Variants in HIBCH observed in about 807,000 individuals in gnomAD.
HIBCH encodes the protein 3-hydroxyisobutyryl-CoA hydrolase.
HIBCH carries 50 observed loss-of-function variants against 58.2 expected under a neutral mutation model. The ratio of observed to expected loss-of-function variants is 0.86; its 90% CI spans 0.68 to 1.09. The LOEUF (loss-of-function observed/expected upper bound fraction) is 1.09, where lower values mean the gene tolerates loss of function less well. Ranked by LOEUF, HIBCH falls within the 50% of genes least tolerant of loss-of-function variation. The pLI, the probability that HIBCH is intolerant of heterozygous loss-of-function variation, is 0.00. For synonymous variants in HIBCH, 151 were observed against 146.9 expected, an observed-to-expected ratio of 1.03 and a Z score of -0.20; for missense variants, 450 against 449.7, an observed-to-expected ratio of 1.00 and a Z score of -0.01.
intron 2 of HIBCH, among the ~76,000 whole-genome samples, chr2:190,297,812 T>G (rs554237007): frequency 1.7e-3 from 258 of 152,308 alleles, no homozygotes; most frequent in African/African-American, 5.9e-3. Context: ...TAGGTATACA[T>G]GTGCCATGGC....
At chr2:190,194,327 C>T (rs1441913622) in intron 1 of HIBCH, among the ~76,000 whole-genome samples, 2 of 152,086 alleles carry the variant, frequency 1.3e-5, no homozygotes, top group African/African-American at 4.8e-5. Flanking sequence ...TCCAGCTATG[C>T]TTGTGGGTTT....
At position 190,206,061 on chromosome 2, in the gene HIBCH, G is replaced by A. The variant is rs1451839922; in HGVS notation, c.1046-829C>T. ...TGCTTAAAATGCACATAATTCTTGT[G>A]AAGAATGGAAATATTTAAATGTGCA... On this transcript the variant is annotated intron_variant, in intron 13 of 13. Transcript: ENST00000359678. This position sits in a 1 kb window ranked among gnomAD's most constrained non-coding sequence, Gnocchi z 5.1. 6.6e-6 allele frequency among the ~76,000 whole-genome samples: 1 copy of A among 152,166 alleles called. No individual in the cohort carries two copies. The highest frequency in any genetic ancestry group is 6.5e-5 in the Admixed American group (1 of 15,278).
chr2:190,249,559 A>T, intron 9 of HIBCH, 81 bp downstream of exon 9: 2 of 761,484 alleles, frequency 2.6e-6, no homozygotes, highest in Non-Finnish European at 4.6e-6. Context: ...TACAAACTAT[A>T]ATATTCACCA....
intron 4 of HIBCH, 56 bp downstream of exon 4, chr2:190,294,490 C>G (rs563176519): frequency 1.8e-6 from 2 of 1,105,436 alleles, no homozygotes; most frequent in African/African-American, 1.5e-5. Context: ...TTTGACAATA[C>G]TTGATCAGTT....
intron 2 of HIBCH, among the ~76,000 whole-genome samples, chr2:190,303,225 C>A (rs1005833239): frequency 2.6e-5 from 4 of 152,126 alleles, no homozygotes; most frequent in Non-Finnish European, 4.4e-5. Flanking sequence ...CATTCTATTA[C>A]AGATACATAC....
rs914434466 is a variant in HIBCH at position 190,243,341 on chromosome 2, T to C, written c.891+1546A>G. Among the ~76,000 whole-genome samples the C allele has an allele frequency of 6.0e-4, 92 of 152,158 alleles. No individual in the cohort carries two copies. The highest frequency in any genetic ancestry group is 1.7e-3 in the African/African-American group (70 of 41,410). ...TTTTGATACTCAGACTGGTCCTCATTGCTCCTCAAGCTTGTAGACAGCCTA... is the reference window on the plus strand; with the variant it reads ...TTTTGATACTCAGACTGGTCCTCATCGCTCCTCAAGCTTGTAGACAGCCTA... On this transcript the variant is annotated intron_variant, in intron 11 of 13. Transcript: ENST00000359678. The surrounding 1 kb of genome is among the most constrained non-coding windows in gnomAD (Gnocchi z 4.1).
rs1575738474 is a variant in HIBCH, at chr2:190,269,807, G to T, written c.439-8573C>A. On this transcript the variant is annotated intron_variant, in intron 6 of 13. Transcript: ENST00000359678. ...CTGCAGCACTGTTCACAATAGCAAA[G>T]AGTTGGAACCAACCCAGATGCACAT... Among the ~76,000 whole-genome samples, 8 of 152,196 alleles carry T rather than the reference G, an allele frequency of 5.3e-5. 1 individual carries two copies. The highest frequency in any genetic ancestry group is 5.2e-4 in the Admixed American group (8 of 15,294).
At chr2:190,310,717 T>TAA (rs976642418) in intron 2 of HIBCH, 37 bp downstream of exon 2, 3 of 1,535,692 alleles carry the variant, frequency 2.0e-6, no homozygotes, top group Non-Finnish European at 2.7e-6. Context: ...AAGTTACACA[T>TAA]ACAAATAATG....
In HIBCH at chr2:190,211,198, G is replaced by A. The variant is rs967335308; in HGVS notation, c.1011+1758C>T. ...TAAGCACTCTTGTTTAGTAAATAACGAATCCCCAAGGTTTTCTTAATTGCT... is the reference window on the plus strand; with the variant it reads ...TAAGCACTCTTGTTTAGTAAATAACAAATCCCCAAGGTTTTCTTAATTGCT... On this transcript the variant is annotated intron_variant, in intron 12 of 13. Transcript: ENST00000359678. This position sits in a 1 kb window ranked among gnomAD's most constrained non-coding sequence, Gnocchi z 5.0. 3.9e-5 allele frequency among the ~76,000 whole-genome samples: 6 copies of A among 152,198 alleles called. No individual in the cohort carries two copies. The highest frequency in any genetic ancestry group is 7.4e-5 in the Non-Finnish European group (5 of 68,004).
rs558377098 is a variant in HIBCH at position 190,253,350 on chromosome 2, A to G, written c.518-1043T>C. 2.0e-5 allele frequency among the ~76,000 whole-genome samples: 3 copies of G among 152,322 alleles called. No individual in the cohort carries two copies. The East Asian group carries it at 5.8e-4, about 29-fold the overall frequency. Reference sequence around the variant, plus strand: ...TTAATTATGTTGGGATAAAAATGCAAGCACTAAAATTCTCTCCAGTTCTAC... The same window carrying G: ...TTAATTATGTTGGGATAAAAATGCAGGCACTAAAATTCTCTCCAGTTCTAC... On this transcript the variant is annotated intron_variant, in intron 7 of 13. Coordinates refer to ENST00000359678, the MANE Select transcript of HIBCH (RefSeq NM_014362.4).
At chr2:190,224,010 G>A (rs1438456462) in intron 11 of HIBCH, among the ~76,000 whole-genome samples, 1 of 152,174 alleles carries the variant, frequency 6.6e-6, no homozygotes, top group Admixed American at 6.6e-5. Flanking sequence ...CCTGGCCAAG[G>A]GAAACCGTGA....
intron 1 of HIBCH, among the ~76,000 whole-genome samples, chr2:190,193,231 T>A (rs1270747477): frequency 2.0e-5 from 3 of 152,028 alleles, no homozygotes; most frequent in East Asian, 1.9e-4. Flanking sequence ...TGATTTTTTT[T>A]ATGTTAATAT....
chr2:190,259,069 T>A (rs1208911504), intron 7 of HIBCH, among the ~76,000 whole-genome samples: 1 of 152,216 alleles, frequency 6.6e-6, no homozygotes, highest in African/African-American at 2.4e-5. Flanking sequence ...AGCTTTGTTC[T>A]TTTTGCTTAA....
intron 11 of HIBCH, chr2:190,213,751 C>G (rs1575696341): frequency 6.6e-6 from 1 of 152,458 alleles, no homozygotes; most frequent in East Asian, 1.9e-4. Context: ...CAAGACAACC[C>G]TAAAAAAAAA....
chr2:190,210,297 T>C lies in HIBCH; in HGVS notation c.1012-1384A>G, dbSNP rs1018898955. ...TGACACTTCTAACCTCGTCTACACT[T>C]TGACAGCGTTCAACACTGTCCATTA... On this transcript the variant is annotated intron_variant, in intron 12 of 13. Transcript: ENST00000359678. The surrounding 1 kb of genome is among the most constrained non-coding windows in gnomAD (Gnocchi z 5.5). 6.6e-6 allele frequency among the ~76,000 whole-genome samples: 1 copy of C among 152,196 alleles called. No homozygotes were observed. The highest frequency in any genetic ancestry group is 2.4e-5 in the African/African-American group (1 of 41,452).
At chr2:190,246,705 A>C (rs898471919) in intron 9 of HIBCH, among the ~76,000 whole-genome samples, 3 of 152,240 alleles carry the variant, frequency 2.0e-5, no homozygotes, top group Non-Finnish European at 1.5e-5. Flanking sequence ...CAATGCTAGC[A>C]TGTTTATAGT....
At chr2:190,251,948 C>T (rs1686784717) in intron 8 of HIBCH, among the ~76,000 whole-genome samples, 1 of 151,954 alleles carries the variant, frequency 6.6e-6, no homozygotes, top group African/African-American at 2.4e-5. Context: ...AACCCTGAAT[C>T]CAGGTATCAT....
At chr2:190,272,134 T>C (rs1026028339) in intron 6 of HIBCH, among the ~76,000 whole-genome samples, 4 of 152,188 alleles carry the variant, frequency 2.6e-5, no homozygotes, top group Non-Finnish European at 5.9e-5. Context: ...TATTCGCACA[T>C]ACACACAGTT....
chr2:190,192,450 A>ATGTG (rs1340574113), intron 1 of HIBCH, among the ~76,000 whole-genome samples: 1 of 93,786 alleles, frequency 1.1e-5, no homozygotes, highest in African/African-American at 4.5e-5. Flanking sequence ...ATAATTCAGA[A>ATGTG]TCTGTGTGTG....
Sources: allele counts gnomAD v4.1 joint callset (sites outside exome capture counted in the v4.1 genomes callset), GRCh38; gene constraint gnomAD v4.1.1; non-coding constraint Gnocchi (gnomAD v3.1); transcripts MANE v1.5; gene names NCBI Gene and HGNC (gene_info 2026-07-23, HGNC 2026-07-21).